The following ZDHHC7 variants were observed in gnomAD, a reference collection of about 807,000 sequenced individuals.
ZDHHC7 encodes the protein zDHHC palmitoyltransferase 7, also known as palmitoyltransferase ZDHHC7.
Under a neutral mutation model 34.1 loss-of-function variants are expected in ZDHHC7, and 12 were observed. That is an observed-to-expected ratio of 0.35 (90% CI 0.23 to 0.57). ZDHHC7 has a LOEUF of 0.57. Ranked by LOEUF, ZDHHC7 falls within the 20% of genes least tolerant of loss-of-function variation. The pLI is 0.84. For synonymous variants in ZDHHC7, 185 were observed against 155.4 expected, an observed-to-expected ratio of 1.19 and a Z score of -1.42; for missense variants, 388 against 402.7, an observed-to-expected ratio of 0.96 and a Z score of 0.31.
chr16:84,996,756 C>T (rs556819241), intron 1 of ZDHHC7, among the ~76,000 whole-genome samples: 100 of 152,232 alleles, frequency 6.6e-4, no homozygotes, highest in African/African-American at 2.2e-3. Context: ...AGGCCAGGCG[C>T]GGTGGCTCAC....
chr16:85,008,081 A>G (rs1326521834), intron 1 of ZDHHC7, among the ~76,000 whole-genome samples: 1 of 152,058 alleles, frequency 6.6e-6, no homozygotes, highest in African/African-American at 2.4e-5. Context: ...GTGCCACCGC[A>G]CTCCAGCCTG....
At chr16:84,984,641 ATCCTC>A (rs1203810474) in intron 3 of ZDHHC7, among the ~76,000 whole-genome samples, 2 of 152,160 alleles carry the variant, frequency 1.3e-5, no homozygotes, top group Non-Finnish European at 2.9e-5. Context: ...ACATTGGGTG[ATCCTC>A]AGGGACCTGA....
chr16:84,990,348 C>A lies in ZDHHC7; in HGVS notation c.271G>T (p.Val91Leu). 1 of 1,614,066 alleles carries A rather than the reference C, an allele frequency of 6.2e-7. No homozygotes were observed. The highest frequency in any genetic ancestry group is 8.5e-7 in the Non-Finnish European group (1 of 1,180,010). ...VNGVIFNCLA[V>L]LALSSHLRTM... The stretch of plus-strand genomic sequence containing the variant: ...CTCAGGTGGGATGACAGGGCAAGCA[C>A]GGCCAAGCAGTTAAAGATGACCCCG... The change falls in exon 3 of 8, where the codon GTG becomes TTG. Residue 91 changes from valine (V) to leucine (L), a missense_variant. Physicochemically the swap from Val to Leu is conservative, Grantham distance 32. Transcript: ENST00000313732.
chr16:85,012,552 G>C (rs779068865), upstream of ZDHHC7, among the ~76,000 whole-genome samples: 1 of 151,996 alleles, frequency 6.6e-6, no homozygotes, highest in South Asian at 2.1e-4. Flanking sequence ...CATAAGACGA[G>C]ATAACCCAGA....
chr16:84,992,941 C>T (rs1165265459), intron 2 of ZDHHC7, among the ~76,000 whole-genome samples: 1 of 152,192 alleles, frequency 6.6e-6, no homozygotes, highest in African/African-American at 2.4e-5. Flanking sequence ...AAAATTTCCT[C>T]TCGATGCAAA....
chr16:84,998,583 C>T (rs2072613619), intron 1 of ZDHHC7, among the ~76,000 whole-genome samples: 1 of 152,078 alleles, frequency 6.6e-6, no homozygotes, highest in Admixed American at 6.6e-5. Context: ...CCCTAGTGTG[C>T]CAAGCCTCCA....
At chr16:84,997,267 CT>C (rs34612029) in intron 1 of ZDHHC7, among the ~76,000 whole-genome samples, 6,185 of 111,248 alleles carry the variant, frequency 0.056, 118 homozygotes, top group African/African-American at 0.069. Flanking sequence ...CTAAATTTTC[CT>C]TTTTTTTTTT....
intron 4 of ZDHHC7, among the ~76,000 whole-genome samples, chr16:84,980,076 T>A (rs973786082): frequency 6.7e-6 from 1 of 148,844 alleles, no homozygotes; most frequent in Non-Finnish European, 1.5e-5. Flanking sequence ...TTCTCCTGCC[T>A]CAGCCTCCCG....
chr16:84,995,026 G>C (rs1240311629), intron 2 of ZDHHC7, among the ~76,000 whole-genome samples: 1 of 152,154 alleles, frequency 6.6e-6, no homozygotes, highest in Non-Finnish European at 1.5e-5. Context: ...ACAGCCATTT[G>C]AGATGCGGTA....
intron 1 of ZDHHC7, among the ~76,000 whole-genome samples, chr16:85,000,456 A>G (rs1567504193): frequency 1.3e-5 from 2 of 152,238 alleles, no homozygotes; most frequent in Non-Finnish European, 2.9e-5. Flanking sequence ...AAACAAGTAA[A>G]CAAAAGATAC....
At chr16:84,993,567 G>C (rs1360833794) in intron 2 of ZDHHC7, among the ~76,000 whole-genome samples, 2 of 151,916 alleles carry the variant, frequency 1.3e-5, no homozygotes, top group South Asian at 2.1e-4. Context: ...GCATGAGACT[G>C]GCAGGTTGAG....
the ZDHHC7 span, among the ~76,000 whole-genome samples, chr16:85,026,222 G>C: frequency 6.6e-6 from 1 of 152,142 alleles, no homozygotes; most frequent in Non-Finnish European, 1.5e-5. Context: ...GCTGACCCAG[G>C]GAAGGAGTTT....
intron 5 of ZDHHC7, among the ~76,000 whole-genome samples, chr16:84,978,621 G>C (rs891067877): frequency 1.3e-5 from 2 of 152,140 alleles, no homozygotes; most frequent in East Asian, 1.9e-4. Flanking sequence ...CTAGCACTTT[G>C]GGAGGCCGAG....
In ZDHHC7 at chr16:84,989,914, G is replaced by A. The variant is rs74716142; in HGVS notation, c.315+390C>T. ...TGACTTTGCATGCCTGCAGCTGCTG[G>A]GCGTCTCCTCCGAGCTCTGTGGGAA... On this transcript the variant is annotated intron_variant, in intron 3 of 7. Transcript: ENST00000313732. 5.5e-3 allele frequency among the ~76,000 whole-genome samples: 842 copies of A among 152,226 alleles called. 5 individuals are homozygous for A. Among genetic ancestry groups the A allele is most frequent in the African/African-American group, 0.02 (813 of 41,534 alleles).
At chr16:85,014,749 G>C (rs2072827295), upstream of ZDHHC7, among the ~76,000 whole-genome samples, 1 of 152,196 alleles carries the variant, frequency 6.6e-6, no homozygotes, top group Admixed American at 6.6e-5. Flanking sequence ...CCACATATGA[G>C]TGACCAATGG....
chr16:84,994,242 G>T (rs2072547603), intron 2 of ZDHHC7, among the ~76,000 whole-genome samples: 1 of 152,192 alleles, frequency 6.6e-6, no homozygotes, highest in South Asian at 2.1e-4. Context: ...TTGCTAAAAG[G>T]CAGATGCAAC....
chr16:84,998,393 G>C (rs1239873466), intron 1 of ZDHHC7, among the ~76,000 whole-genome samples: 1 of 152,074 alleles, frequency 6.6e-6, no homozygotes, highest in Non-Finnish European at 1.5e-5. Context: ...CTCTGGCTTC[G>C]GCGCCGGCTG....
chr16:84,992,780 T>A (rs1157860284), intron 2 of ZDHHC7, among the ~76,000 whole-genome samples: 3 of 152,174 alleles, frequency 2.0e-5, no homozygotes, highest in Non-Finnish European at 2.9e-5. Context: ...TTCTCAGAGG[T>A]CAGGTCACTA....
At chr16:84,985,593 G>C (rs1720840080) in intron 3 of ZDHHC7, among the ~76,000 whole-genome samples, 2 of 152,178 alleles carry the variant, frequency 1.3e-5, no homozygotes, top group East Asian at 1.9e-4. Context: ...AGATGTCAGA[G>C]ACACATAAAC....
Sources: gnomAD v4.1 joint callset for allele counts (sites outside exome capture counted in the v4.1 genomes callset) on GRCh38, gnomAD v4.1.1 for gene constraint, MANE v1.5 for transcripts, NCBI Gene and HGNC (gene_info 2026-07-23, HGNC 2026-07-21) for gene names.